The following THAP4 variants were observed in gnomAD, a reference collection of about 807,000 sequenced individuals.
THAP4 encodes the protein THAP domain containing 4.
In THAP4, 18 loss-of-function variants were observed where a neutral mutation model predicts 48.1. That is an observed-to-expected ratio of 0.37 (90% CI 0.26 to 0.56). The LOEUF is 0.56. Among genes scored for constraint, THAP4 ranks in the 20% least tolerant of loss-of-function variants. The pLI, the probability that THAP4 is intolerant of heterozygous loss-of-function variation, is 0.78. For missense variants in THAP4, 656 were observed against 774.9 expected (o/e 0.85, Z 1.82); for synonymous variants, 345 against 324.9 (o/e 1.06, Z -0.66).
At chr2:241,587,141 T>C (rs1294653349) in intron 5 of THAP4, among the ~76,000 whole-genome samples, 1 of 152,142 alleles carries the variant, frequency 6.6e-6, no homozygotes, top group Non-Finnish European at 1.5e-5. Flanking sequence ...CGGTAAAGGA[T>C]TATTTTGAGT....
intron 5 of THAP4, among the ~76,000 whole-genome samples, chr2:241,597,989 A>C (rs906083597): frequency 5.3e-5 from 8 of 152,100 alleles, no homozygotes; most frequent in South Asian, 2.1e-4. Context: ...AAAAAAAAAA[A>C]AACAAAAAAC....
At chr2:241,617,063 G>A (rs778377715) in intron 2 of THAP4, among the ~76,000 whole-genome samples, 24 of 152,284 alleles carry the variant, frequency 1.6e-4, no homozygotes, top group Non-Finnish European at 3.2e-4. Context: ...GGGTGAGGAC[G>A]ACCAGTAAGA....
intron 1 of THAP4, 39 bp downstream of exon 1, chr2:241,636,902 G>A (rs1250487651): frequency 1.6e-5 from 18 of 1,140,216 alleles, no homozygotes; most frequent in Non-Finnish European, 1.9e-5. Flanking sequence ...CCGCAGGGCC[G>A]GGTCGGGGCG....
At chr2:241,584,860 C>G in intron 5 of THAP4, 135 bp from the exon 6 acceptor site, 2 of 1,141,294 alleles carry the variant, frequency 1.8e-6, no homozygotes, top group Non-Finnish European at 2.6e-6. Context: ...GGAGGGTAGA[C>G]ACACAGCCCA....
chr2:241,592,869 G>A (rs989794501), intron 5 of THAP4, among the ~76,000 whole-genome samples: 2 of 152,214 alleles, frequency 1.3e-5, no homozygotes, highest in African/African-American at 2.4e-5. Context: ...GCCACGGGAC[G>A]TCTGTACGGG....
intron 5 of THAP4, chr2:241,592,116 C>CGGTG (rs1559217460): frequency 3.9e-5 from 6 of 152,234 alleles, no homozygotes; most frequent in African/African-American, 1.2e-4. Context: ...CGCAGGTCAC[C>CGGTG]GGTGGCAGCC....
intron 2 of THAP4, among the ~76,000 whole-genome samples, chr2:241,611,724 CAAAA>C (rs556777493): frequency 1.0e-5 from 1 of 97,690 alleles, no homozygotes; most frequent in Admixed American, 1.1e-4. Flanking sequence ...ACTCTGTCTC[CAAAA>C]AAAAAAAAAA....
chr2:241,622,575 T>C (rs972532951), intron 2 of THAP4, among the ~76,000 whole-genome samples: 26 of 152,028 alleles, frequency 1.7e-4, no homozygotes, highest in Non-Finnish European at 7.4e-5. Flanking sequence ...TTATTCTTAA[T>C]TGACCTAACA....
intron 5 of THAP4, among the ~76,000 whole-genome samples, chr2:241,589,693 AG>A (rs1345192950): frequency 7.6e-6 from 1 of 132,246 alleles, no homozygotes; most frequent in Non-Finnish European, 1.6e-5. Flanking sequence ...TGCACCCAAG[AG>A]GAAAAAAAAC....
rs1483013550 is a variant in THAP4 at position 241,633,366 on chromosome 2, T to A, written c.791A>T (p.Asp264Val). ...EPIDRKRLKK[D>V]VEPSCSGSSL... ...GCTCCCACTGCAGCTTGGTTCCACA[T>A]CTTTCTTCAGCCTCTTGCGGTCAAT... The change falls in exon 2 of 6, where the codon GAT becomes GTT. Residue 264 changes from aspartate (D) to valine (V), a missense_variant. Physicochemically the swap from Asp to Val is radical, Grantham distance 152. This residue lies in a region of THAP4 where 391 missense variants were observed against 412.4 expected (regional missense o/e 0.95). Transcript: ENST00000407315. The surrounding 1 kb of genome is among the most constrained non-coding windows in gnomAD (Gnocchi z 7.5). The A allele has an allele frequency of 1.9e-6, 3 of 1,612,880 alleles. No homozygotes were observed. Among genetic ancestry groups the A allele is most frequent in the Non-Finnish European group, 1.7e-6 (2 of 1,179,976 alleles).
intron 2 of THAP4, among the ~76,000 whole-genome samples, chr2:241,613,471 G>A (rs986949612): frequency 1.3e-5 from 2 of 152,144 alleles, no homozygotes; most frequent in African/African-American, 4.8e-5. Context: ...TTTAAAAACT[G>A]GGCCGGTTGC....
At chr2:241,600,179 G>C (rs1328631745) in intron 5 of THAP4, among the ~76,000 whole-genome samples, 1 of 152,130 alleles carries the variant, frequency 6.6e-6, no homozygotes, top group Non-Finnish European at 1.5e-5. Flanking sequence ...CTGGGCAACA[G>C]AGCAAGACTC....
intron 3 of THAP4, 101 bp from the exon 4 acceptor site, chr2:241,603,180 C>G: frequency 4.6e-6 from 4 of 873,288 alleles, no homozygotes; most frequent in Non-Finnish European, 7.5e-6. Context: ...CAGGTGGCTG[C>G]TCCAGCCACA....
At chr2:241,589,913 C>T (rs1173851705) in intron 5 of THAP4, among the ~76,000 whole-genome samples, 1 of 152,074 alleles carries the variant, frequency 6.6e-6, no homozygotes, top group African/African-American at 2.4e-5. Flanking sequence ...GAAAGGAGAC[C>T]GGAAACAAAT....
chr2:241,624,563 C>T (rs973001239), intron 2 of THAP4, among the ~76,000 whole-genome samples: 5 of 151,938 alleles, frequency 3.3e-5, no homozygotes, highest in African/African-American at 9.7e-5. Flanking sequence ...GGGCAAGGGG[C>T]GTCTGTCCCT....
intron 2 of THAP4, among the ~76,000 whole-genome samples, chr2:241,608,284 G>T (rs2067214039): frequency 6.6e-6 from 1 of 152,218 alleles, no homozygotes; most frequent in Admixed American, 6.5e-5. Flanking sequence ...CACTCTGCCT[G>T]CTGGCTGCAC....
chr2:241,605,031 G>T (rs1017093991), intron 3 of THAP4, among the ~76,000 whole-genome samples: 1 of 152,010 alleles, frequency 6.6e-6, no homozygotes, highest in Non-Finnish European at 1.5e-5. Flanking sequence ...ATTTTTCTTC[G>T]AATGCTAGTC....
At chr2:241,585,912 C>CAAAAAAAAAA (rs1175852721) in intron 5 of THAP4, among the ~76,000 whole-genome samples, 8 of 28,214 alleles carry the variant, frequency 2.8e-4, no homozygotes, top group Admixed American at 4.0e-4. Flanking sequence ...GACTCCTTCT[C>CAAAAAAAAAA]AAAAAAAAAA....
intron 2 of THAP4, 88 bp from the exon 3 acceptor site, chr2:241,606,561 C>T (rs1161364257): frequency 5.1e-5 from 67 of 1,309,020 alleles, no homozygotes; most frequent in Non-Finnish European, 6.7e-5. Flanking sequence ...CATATCGACG[C>T]TTGCTTCTGG....
Sources: gnomAD v4.1 joint callset for allele counts (sites outside exome capture counted in the v4.1 genomes callset) on GRCh38, gnomAD v4.1.1 for gene constraint, gnomAD v4.1.1 regional missense constraint, Gnocchi (gnomAD v3.1) non-coding constraint, MANE v1.5 for transcripts, NCBI Gene and HGNC (gene_info 2026-07-23, HGNC 2026-07-21) for gene names.